The following MRTFB variants were observed in gnomAD, a reference collection of about 807,000 sequenced individuals.
The protein encoded by MRTFB is myocardin related transcription factor B, also known as myocardin-related transcription factor B.
In MRTFB, 29 loss-of-function variants were observed where a neutral mutation model predicts 104.2. That is an observed-to-expected ratio of 0.28 (90% CI 0.21 to 0.38). MRTFB has a LOEUF of 0.38. MRTFB is among the 10% of genes least tolerant of loss of function. MRTFB has a pLI of 1.00. For missense variants in MRTFB, 1,270 were observed against 1,341.6 expected (o/e 0.95, Z 0.83); for synonymous variants, 535 against 519.5 (o/e 1.03, Z -0.41).
At chr16:14,234,055 T>G in intron 8 of MRTFB, 91 bp from the exon 9 acceptor site, 1 of 1,509,828 alleles carries the variant, frequency 6.6e-7, no homozygotes, top group Non-Finnish European at 9.0e-7. Flanking sequence ...CTAGTGGGCT[T>G]AAAAACCAGG....
chr16:14,190,573 A>G (rs2040134857), intron 3 of MRTFB, among the ~76,000 whole-genome samples: 1 of 152,240 alleles, frequency 6.6e-6, no homozygotes, highest in African/African-American at 2.4e-5. Context: ...ATGGATTTTA[A>G]GAGGAAAAAA....
chr16:14,116,610 G>C (rs2036553676), intron 2 of MRTFB, among the ~76,000 whole-genome samples: 2 of 150,002 alleles, frequency 1.3e-5, no homozygotes, highest in Non-Finnish European at 3.0e-5. Context: ...ATGCCTACCA[G>C]ATTTCTCTAC....
intron 3 of MRTFB, among the ~76,000 whole-genome samples, chr16:14,180,938 A>G (rs1349969092): frequency 1.3e-5 from 2 of 152,188 alleles, no homozygotes; most frequent in African/African-American, 2.4e-5. Context: ...ACTGTGAAAC[A>G]TGGATGATTT....
chr16:14,204,351 G>A (rs1178057532), intron 3 of MRTFB, among the ~76,000 whole-genome samples: 2 of 152,052 alleles, frequency 1.3e-5, no homozygotes, highest in Non-Finnish European at 2.9e-5. Flanking sequence ...AGAAGCAGGG[G>A]AAAGGAACTA....
chr16:14,229,342 C>T lies in MRTFB; in HGVS notation c.694-4804C>T, dbSNP rs199752176. On this transcript the variant is annotated intron_variant, in intron 8 of 16. Transcript: ENST00000571589. The stretch of plus-strand genomic sequence containing the variant: ...TGCAATGCGTGATTTTTGTTTTATT[C>T]AACTCATTTTTCATTTTATTTGGGG... 1.7e-4 allele frequency among the ~76,000 whole-genome samples: 3 copies of T among 17,152 alleles called. No homozygotes were observed. In the South Asian group the frequency reaches 1.8e-3, roughly 10 times the overall value. The allele number at this position is 17,152 out of a possible 152,430, so 11.3% of individuals were successfully genotyped here. A position where few individuals can be genotyped will look rare whatever the true frequency, so the allele number is the denominator to read the frequency against.
chr16:14,075,239 G>T (rs1271873936), intron 1 of MRTFB, among the ~76,000 whole-genome samples: 1 of 152,216 alleles, frequency 6.6e-6, no homozygotes, highest in African/African-American at 2.4e-5. Context: ...GTCTAATATT[G>T]AGTGCAGGTT....
Position 14,261,581 on chromosome 16 carries a change from A to G in MRTFB, c.*137A>G, listed in dbSNP as rs995972542. 3.4e-6 allele frequency: 3 copies of G among 892,390 alleles called. No individual in the cohort carries two copies. Among genetic ancestry groups the G allele is most frequent in the South Asian group, 2.0e-5 (1 of 51,112 alleles). 55.3% of individuals were successfully genotyped at this position (892,390 alleles called of 1,614,324 possible). A position where few individuals can be genotyped will look rare whatever the true frequency, so the allele number is the denominator to read the frequency against. On this transcript the variant is annotated 3_prime_UTR_variant, in exon 17 of 17. Transcript: ENST00000571589. ...TCACAGAAAGAATAGGTGGAAGGTC[A>G]TAGCCTGGAACCCAAGTTTGAAAAC... is the stretch of plus-strand genomic sequence containing the variant.
At chr16:14,008,486 C>T in the MRTFB span, among the ~76,000 whole-genome samples, 2 of 152,176 alleles carry the variant, frequency 1.3e-5, no homozygotes, top group African/African-American at 4.8e-5. Context: ...CGTAGAAAAT[C>T]AATTGATCAG....
At chr16:14,030,284 G>A in the MRTFB span, among the ~76,000 whole-genome samples, 29 of 152,270 alleles carry the variant, frequency 1.9e-4, no homozygotes, top group African/African-American at 5.5e-4. Context: ...ACAAACAGGG[G>A]CAAAGCAGCC....
intron 2 of MRTFB, among the ~76,000 whole-genome samples, chr16:14,122,260 C>T (rs534537073): frequency 5.3e-5 from 8 of 150,452 alleles, no homozygotes; most frequent in Non-Finnish European, 8.9e-5. Flanking sequence ...TCAATAATAG[C>T]GTAATTTCAG....
intron 5 of MRTFB, 34 bp downstream of exon 5, chr16:14,212,443 C>T: frequency 6.3e-7 from 1 of 1,577,364 alleles, no homozygotes; most frequent in Non-Finnish European, 8.7e-7. Context: ...TTCTACTTCT[C>T]TCTCCTTCTC....
chr16:14,030,378 C>T, the MRTFB span, among the ~76,000 whole-genome samples: 1 of 152,084 alleles, frequency 6.6e-6, no homozygotes, highest in African/African-American at 2.4e-5. Context: ...TGGTTCAGGC[C>T]CTGGTTCTGC....
chr16:14,212,433 T>C (rs2041233028), intron 5 of MRTFB, 24 bp downstream of exon 5: 2 of 1,609,436 alleles, frequency 1.2e-6, no homozygotes. Context: ...CTTTAAAATG[T>C]TCTACTTCTC....
chr16:14,236,320 G>A (rs1029762017), intron 9 of MRTFB, among the ~76,000 whole-genome samples: 2 of 152,240 alleles, frequency 1.3e-5, no homozygotes, highest in Admixed American at 6.5e-5. Flanking sequence ...TACCTTAAGT[G>A]CCTGATAATT....
chr16:14,120,279 C>G (rs2036776136), intron 2 of MRTFB, among the ~76,000 whole-genome samples: 1 of 152,170 alleles, frequency 6.6e-6, no homozygotes, highest in African/African-American at 2.4e-5. Flanking sequence ...TGTTGGGTGC[C>G]AGTTTCACAT....
intron 3 of MRTFB, among the ~76,000 whole-genome samples, chr16:14,181,638 C>A (rs975773268): frequency 6.6e-6 from 1 of 152,142 alleles, no homozygotes; most frequent in Non-Finnish European, 1.5e-5. Flanking sequence ...TTATTTTATT[C>A]ATTACTCTTG....
At chr16:14,048,800 C>T in the MRTFB span, among the ~76,000 whole-genome samples, 2 of 152,250 alleles carry the variant, frequency 1.3e-5, no homozygotes, top group East Asian at 1.9e-4. Context: ...ATCCACCACC[C>T]CCTTTTGATT....
chr16:14,113,959 G>A (rs78057308), intron 2 of MRTFB, among the ~76,000 whole-genome samples: 1,890 of 152,158 alleles, frequency 0.012, 36 homozygotes, highest in African/African-American at 0.042. Context: ...ATGTGTCAAT[G>A]CTAGTTTTTA....
chr16:14,126,797 C>T (rs78220164), intron 2 of MRTFB, among the ~76,000 whole-genome samples: 3,644 of 152,118 alleles, frequency 0.024, 157 homozygotes, highest in African/African-American at 0.083. Context: ...GAATTTGAAC[C>T]CAAGCAGTCT....
Sources: gnomAD v4.1 joint callset for allele counts (sites outside exome capture counted in the v4.1 genomes callset) on GRCh38, gnomAD v4.1.1 for gene constraint, MANE v1.5 for transcripts, NCBI Gene and HGNC (gene_info 2026-07-23, HGNC 2026-07-21) for gene names.